PRKCE: variants seen among roughly 807,000 people sequenced by gnomAD.
PRKCE encodes protein kinase C epsilon.
A neutral mutation model predicts 85.4 loss-of-function variants in PRKCE; 16 were observed. The observed-to-expected ratio is 0.19, with a 90% CI of 0.13 to 0.28. The LOEUF (loss-of-function observed/expected upper bound fraction) is 0.28. Among genes scored for constraint, PRKCE ranks in the 10% least tolerant of loss-of-function variants. The pLI is 1.00. For synonymous variants in PRKCE, 388 were observed against 371.5 expected, an observed-to-expected ratio of 1.04 and a Z score of -0.51; for missense variants, 573 against 975.2, an observed-to-expected ratio of 0.59 and a Z score of 5.49.
At chr2:45,932,742 T>C (rs1283157411) in intron 2 of PRKCE, among the ~76,000 whole-genome samples, 1 of 152,244 alleles carries the variant, frequency 6.6e-6, no homozygotes, top group African/African-American at 2.4e-5. Flanking sequence ...CAAAACCTTT[T>C]TCGTCTTTCC....
intron 1 of PRKCE, among the ~76,000 whole-genome samples, chr2:45,749,386 C>G (rs1355277125): frequency 2.0e-5 from 3 of 152,160 alleles, no homozygotes; most frequent in African/African-American, 7.2e-5. Context: ...GCTCCTGGGC[C>G]TCAGTTTACT....
chr2:45,675,138 A>T (rs1360035013), intron 1 of PRKCE, among the ~76,000 whole-genome samples: 1 of 152,220 alleles, frequency 6.6e-6, no homozygotes, highest in Non-Finnish European at 1.5e-5. Flanking sequence ...ACTGGACCTC[A>T]TCAATTATAA....
chr2:45,867,978 A>T (rs1487311896), intron 2 of PRKCE, among the ~76,000 whole-genome samples: 1 of 152,034 alleles, frequency 6.6e-6, no homozygotes, highest in African/African-American at 2.4e-5. Context: ...TGAAGTTTTT[A>T]AAAAGAGGGC....
chr2:45,764,040 G>T (rs1684722005), intron 1 of PRKCE, among the ~76,000 whole-genome samples: 1 of 152,148 alleles, frequency 6.6e-6, no homozygotes. Context: ...AAACTAGAAG[G>T]ATCTTTTGAT....
intron 1 of PRKCE, among the ~76,000 whole-genome samples, chr2:45,693,637 C>G (rs1047001968): frequency 6.6e-6 from 1 of 152,162 alleles, no homozygotes; most frequent in African/African-American, 2.4e-5. Context: ...AGCTGATGTT[C>G]TCTCTGAGAG....
chr2:46,166,375 C>T (rs751969799), intron 14 of PRKCE, among the ~76,000 whole-genome samples: 1 of 152,258 alleles, frequency 6.6e-6, no homozygotes, highest in Middle Eastern at 3.2e-3. Flanking sequence ...CGAGGACATC[C>T]CCCTGGACTG....
At chr2:46,024,189 G>T (rs1249930710) in intron 10 of PRKCE, among the ~76,000 whole-genome samples, 3 of 152,154 alleles carry the variant, frequency 2.0e-5, no homozygotes, top group African/African-American at 4.8e-5. Flanking sequence ...AACTACTTAC[G>T]TGAGTTGCCC....
chr2:46,163,363 G>A (rs1677969827), intron 14 of PRKCE, among the ~76,000 whole-genome samples: 1 of 150,286 alleles, frequency 6.7e-6, no homozygotes, highest in Non-Finnish European at 1.5e-5. Flanking sequence ...GGGAAGTTGA[G>A]CTTCATCCCC....
intron 1 of PRKCE, among the ~76,000 whole-genome samples, chr2:45,787,312 CT>C (rs1343005656): frequency 6.6e-6 from 1 of 151,942 alleles, no homozygotes; most frequent in Non-Finnish European, 1.5e-5. Context: ...AACAAATAGC[CT>C]AGTAGGATAA....
chr2:46,066,381 C>T (rs1359166678), intron 10 of PRKCE, among the ~76,000 whole-genome samples: 5 of 152,076 alleles, frequency 3.3e-5, no homozygotes, highest in African/African-American at 1.2e-4. Context: ...TCTTTCCCTC[C>T]GAATTTATGA....
chr2:45,945,685 G>A (rs1207280016), intron 2 of PRKCE, among the ~76,000 whole-genome samples: 1 of 152,216 alleles, frequency 6.6e-6, no homozygotes, highest in Non-Finnish European at 1.5e-5. Context: ...TGCAAGGCAG[G>A]TACTCTTATT....
At chr2:45,954,574 G>A (rs1700844082) in intron 2 of PRKCE, among the ~76,000 whole-genome samples, 1 of 152,014 alleles carries the variant, frequency 6.6e-6, no homozygotes, top group South Asian at 2.1e-4. Flanking sequence ...ATTCATAGAG[G>A]GTACATATTA....
chr2:45,668,578 T>A (rs1458815690), intron 1 of PRKCE, among the ~76,000 whole-genome samples: 1 of 152,176 alleles, frequency 6.6e-6, no homozygotes. Flanking sequence ...GCCAAATGTC[T>A]ATTTGCTGCC....
intron 10 of PRKCE, among the ~76,000 whole-genome samples, chr2:46,042,935 A>G (rs1708298178): frequency 6.6e-6 from 1 of 152,206 alleles, no homozygotes; most frequent in South Asian, 2.1e-4. Flanking sequence ...CAGAAACCAC[A>G]TTGGCCTCTG....
In PRKCE at chr2:45,936,526, C is replaced by T. The variant is rs1281013127; in HGVS notation, c.413-39903C>T. Among the ~76,000 whole-genome samples the T allele has an allele frequency of 2.0e-5, 3 of 152,124 alleles. No homozygotes were observed. The East Asian group carries it at 5.8e-4, about 29-fold the overall frequency. On this transcript the variant is annotated intron_variant, in intron 2 of 14. Coordinates refer to ENST00000306156, the MANE Select transcript of PRKCE (RefSeq NM_005400.3). ...CCAGGTTTCTTTACCGAGAGGAAGC[C>T]AGCGGGAGGCCCGACATCCAAAACA...
intron 6 of PRKCE, among the ~76,000 whole-genome samples, chr2:45,997,999 T>G (rs2062257891): frequency 6.6e-6 from 1 of 152,254 alleles, no homozygotes; most frequent in Non-Finnish European, 1.5e-5. Context: ...TTAATTCCAT[T>G]GTGGTCTAAA....
intron 2 of PRKCE, among the ~76,000 whole-genome samples, chr2:45,940,372 A>G (rs1699787005): frequency 6.6e-6 from 1 of 152,206 alleles, no homozygotes; most frequent in South Asian, 2.1e-4. Context: ...TTTCTTACCT[A>G]TGAAGCAAGA....
At chr2:46,066,556 A>G (rs1574380316) in intron 10 of PRKCE, among the ~76,000 whole-genome samples, 2 of 152,224 alleles carry the variant, frequency 1.3e-5, no homozygotes, top group African/African-American at 4.8e-5. Context: ...GTACAAATAC[A>G]TTGTAGAAAT....
intron 1 of PRKCE, among the ~76,000 whole-genome samples, chr2:45,715,560 G>A (rs1189782807): frequency 1.3e-5 from 2 of 152,160 alleles, no homozygotes; most frequent in Non-Finnish European, 2.9e-5. Context: ...AGAGACTCCT[G>A]CTCATCTCTC....
Sources: gnomAD v4.1 joint callset for allele counts (sites outside exome capture counted in the v4.1 genomes callset) on GRCh38, gnomAD v4.1.1 for gene constraint, MANE v1.5 for transcripts, NCBI Gene and HGNC (gene_info 2026-07-23, HGNC 2026-07-21) for gene names.